The following ACTL6A variants were observed in gnomAD, a reference collection of about 807,000 sequenced individuals.
ACTL6A encodes the protein actin-like protein 6A.
In ACTL6A, 5 loss-of-function variants were observed where a neutral mutation model predicts 59.2. That is an observed-to-expected ratio of 0.08 (90% CI 0.04 to 0.18). The LOEUF (loss-of-function observed/expected upper bound fraction) is 0.18, where lower values mean the gene tolerates loss of function less well. Among genes scored for constraint, ACTL6A ranks in the 10% least tolerant of loss-of-function variants. ACTL6A has a pLI of 1.00. For synonymous variants in ACTL6A, 154 were observed against 171.8 expected, an observed-to-expected ratio of 0.90 and a Z score of 0.81; for missense variants, 285 against 526.9, an observed-to-expected ratio of 0.54 and a Z score of 4.49.
chr3:179,564,885 CTTTT>C (rs550795606), intron 1 of ACTL6A, among the ~76,000 whole-genome samples: 168 of 129,466 alleles, frequency 1.3e-3, no homozygotes, highest in African/African-American at 4.1e-3. Flanking sequence ...TGGAATATGT[CTTTT>C]TTTTTTTTTT....
chr3:179,575,608 T>C (rs1718144181), intron 5 of ACTL6A: 1 of 370,186 alleles, frequency 2.7e-6, no homozygotes, highest in Admixed American at 3.6e-5. Context: ...TGAATGTCCC[T>C]ACTCCTAAAC....
Position 179,576,676 on chromosome 3 carries a change from T to C in ACTL6A, c.628T>C (p.Phe210Leu), listed in dbSNP as rs756597537. ...DFITMQCREL[F>L]QEMNIELVPP... ...TATTACTATGCAGTGCAGAGAACTC[T>C]TCCAAGAAATGAATATTGAATTGGT... The change falls in exon 7 of 14, where the codon TTC (phenylalanine) becomes CTC (leucine). Residue 210 changes from phenylalanine (F) to leucine (L), a missense_variant. Coordinates refer to ENST00000429709, the MANE Select transcript of ACTL6A (RefSeq NM_004301.5). 3 of 1,613,984 alleles carry C rather than the reference T, an allele frequency of 1.9e-6. No individual in the cohort carries two copies. In the South Asian group the frequency reaches 3.3e-5, roughly 18 times the overall value.
At chr3:179,574,205 AG>A (rs1336964446) in intron 4 of ACTL6A, 164 bp from the exon 5 acceptor site, 18 of 418,680 alleles carry the variant, frequency 4.3e-5, no homozygotes, top group East Asian at 3.2e-4. Context: ...AATATTATAG[AG>A]GTTTTTTTAT....
intron 5 of ACTL6A, chr3:179,575,532 C>A (rs911192718): frequency 2.3e-6 from 1 of 438,574 alleles, no homozygotes; most frequent in African/African-American, 2.0e-5. Flanking sequence ...TTCCTCCCTC[C>A]CTCCTTATTA....
chr3:179,579,077 AT>A (rs1454681461), intron 8 of ACTL6A, among the ~76,000 whole-genome samples: 1 of 152,198 alleles, frequency 6.6e-6, no homozygotes, highest in African/African-American at 2.4e-5. Flanking sequence ...AATAATAGCC[AT>A]TCTGACTGGT....
Position 179,569,838 on chromosome 3 carries a change from C to T in ACTL6A, c.40C>T (p.Leu14Phe), listed in dbSNP as rs757802710. 9 of 1,613,838 alleles carry T rather than the reference C, an allele frequency of 5.6e-6. No individual in the cohort carries two copies. In the South Asian group the frequency reaches 9.9e-5, roughly 18 times the overall value. ...AATCTTTTCAGATGAAGTTGGAGCC[C>T]TTGTTTTTGACATTGGATCCTATAC... ...GVYGGDEVGA[L>F]VFDIGSYTVR... The change falls in exon 2 of 14, where the codon CTT becomes TTT. Residue 14 changes from leucine to phenylalanine, a missense_variant. Physicochemically the swap from Leu to Phe is conservative, Grantham distance 22 (BLOSUM62 0). Transcript: ENST00000429709.
rs543186351 is a variant in ACTL6A, at chr3:179,567,290, C to G, written c.26-2534C>G. On this transcript the variant is annotated intron_variant, in intron 1 of 13. Transcript: ENST00000429709. ...CTGAGGCAGAAGAATCACTTGAACC[C>G]CGGAGGTGGAGGTTGCAATGAGCTG... 2.3e-4 allele frequency among the ~76,000 whole-genome samples: 35 copies of G among 152,252 alleles called. 1 individual carries two copies. Among genetic ancestry groups the G allele is most frequent in the Non-Finnish European group, 4.7e-4 (32 of 68,014 alleles).
In ACTL6A at chr3:179,578,819, G is replaced by A. The variant is rs369650122; in HGVS notation, c.769-1821G>A. ...CTTGCTTTGTCACCCAGGCTGGAGCGCAGTGGTGCAGTCTCGGCTCACTGC... is the reference window on the plus strand; with the variant it reads ...CTTGCTTTGTCACCCAGGCTGGAGCACAGTGGTGCAGTCTCGGCTCACTGC... On this transcript the variant is annotated intron_variant, in intron 8 of 13. Coordinates refer to ENST00000429709, the MANE Select transcript of ACTL6A (RefSeq NM_004301.5). Among the ~76,000 whole-genome samples, 96 of 152,172 alleles carry A rather than the reference G, an allele frequency of 6.3e-4. 2 individuals carry two copies. Among genetic ancestry groups the A allele is most frequent in the African/African-American group, 2.2e-3 (92 of 41,516 alleles).
At chr3:179,585,720 A>T (rs1202120784) in intron 12 of ACTL6A, among the ~76,000 whole-genome samples, 1 of 152,194 alleles carries the variant, frequency 6.6e-6, no homozygotes. Context: ...AGATGTCAAC[A>T]ACTTGAGAAC....
intron 12 of ACTL6A, among the ~76,000 whole-genome samples, chr3:179,585,333 C>T (rs1718453152): frequency 1.3e-5 from 2 of 152,172 alleles, no homozygotes; most frequent in Admixed American, 1.3e-4. Flanking sequence ...AACTCCCGAC[C>T]TCAGGTGATC....
chr3:179,587,768 G>C (rs1332923108), intron 13 of ACTL6A, among the ~76,000 whole-genome samples, 162 bp from the exon 14 acceptor site: 1 of 151,974 alleles, frequency 6.6e-6, no homozygotes, highest in Non-Finnish European at 1.5e-5. Context: ...TGAGGTGGGA[G>C]CATCCCTTGA....
At chr3:179,568,003 C>G (rs1717889308) in intron 1 of ACTL6A, among the ~76,000 whole-genome samples, 1 of 151,930 alleles carries the variant, frequency 6.6e-6, no homozygotes, top group African/African-American at 2.4e-5. Context: ...GAAACCCCAT[C>G]TCTACTAAAA....
rs752612410 is a variant in ACTL6A at position 179,574,467 on chromosome 3, C to T, written c.476C>T (p.Ala159Val). ...CTTTGCAAAACTGCAGTTTTGACAG[C>T]GTATCCTTGAAAGAGTAATACCTTT... ...FFLCKTAVLT[A>V]FANGRSTGLI... Residue 159 changes from alanine to valine, a missense_variant and splice_region_variant, in exon 5 of 14, where the codon GCA becomes GTA. Coordinates refer to ENST00000429709, the MANE Select transcript of ACTL6A (RefSeq NM_004301.5). 3 of 1,584,810 alleles carry T rather than the reference C, an allele frequency of 1.9e-6. No homozygotes were observed. The highest frequency in any genetic ancestry group is 2.6e-6 in the Non-Finnish European group (3 of 1,153,660).
chr3:179,587,968 T>C lies in ACTL6A; in HGVS notation c.1248T>C (p.Tyr416=). The change falls in exon 14 of 14, where the codon TAT becomes TAC. Residue 416 remains tyrosine (Y), a synonymous_variant. Transcript: ENST00000429709. Reference sequence around the variant, plus strand: ...AGATGTGGATTTCCAAGCAAGAATATGAAGAAGGAGGGAAGCAGTGTGTAG... The same window carrying C: ...AGATGTGGATTTCCAAGCAAGAATACGAAGAAGGAGGGAAGCAGTGTGTAG... ...FQQMWISKQE[Y]EEGGKQCVER... is the part of the protein sequence containing the mutation. The C allele has an allele frequency of 6.2e-7, 1 of 1,606,918 alleles. No individual in the cohort carries two copies.
At chr3:179,585,555 A>G (rs1466818635) in intron 12 of ACTL6A, among the ~76,000 whole-genome samples, 1 of 152,170 alleles carries the variant, frequency 6.6e-6, no homozygotes, top group East Asian at 1.9e-4. Flanking sequence ...TCTATTTAAT[A>G]GTTACCAATC....
intron 12 of ACTL6A, among the ~76,000 whole-genome samples, chr3:179,586,170 A>G (rs1272776498): frequency 6.6e-6 from 1 of 152,220 alleles, no homozygotes; most frequent in Non-Finnish European, 1.5e-5. Flanking sequence ...TAAAGTTTGT[A>G]TGTTTTCTCA....
chr3:179,586,469 A>T, intron 12 of ACTL6A, 77 bp from the exon 13 acceptor site: 3 of 746,282 alleles, frequency 4.0e-6, no homozygotes, highest in East Asian at 4.0e-5. Context: ...CTCTATTTGA[A>T]AAAAAAAAAA....
At chr3:179,580,853 A>T in intron 9 of ACTL6A, 41 bp from the exon 10 acceptor site, 1 of 1,527,450 alleles carries the variant, frequency 6.5e-7, no homozygotes. Context: ...GAAGAGAATT[A>T]TTTTTTGTCT....
chr3:179,580,769 GAAT>G (rs1718312906), intron 9 of ACTL6A, 68 bp downstream of exon 9: 3 of 1,387,434 alleles, frequency 2.2e-6, no homozygotes, highest in Admixed American at 2.3e-5. Context: ...ATACTTAATT[GAAT>G]AATGTTTAAA....
Sources: allele counts gnomAD v4.1 joint callset (sites outside exome capture counted in the v4.1 genomes callset), GRCh38; gene constraint gnomAD v4.1.1; transcripts MANE v1.5; gene names NCBI Gene and HGNC (gene_info 2026-07-23, HGNC 2026-07-21).